GALK2: variants seen among roughly 807,000 people sequenced by gnomAD.
GALK2 encodes galactokinase 2.
Under a neutral mutation model 52.4 loss-of-function variants are expected in GALK2, and 36 were observed. The ratio of observed to expected loss-of-function variants is 0.69; its 90% CI spans 0.53 to 0.91. GALK2 has a LOEUF of 0.91. GALK2 is among the 40% of genes least tolerant of loss of function. The probability of loss-of-function intolerance (pLI) is 0.00; values close to 1 mark genes in which losing one functional copy is unlikely to be tolerated. For synonymous variants in GALK2, 176 were observed against 199.1 expected, an observed-to-expected ratio of 0.88 and a Z score of 0.98; for missense variants, 579 against 559.1, an observed-to-expected ratio of 1.04 and a Z score of -0.36.
chr15:49,352,247 C>G (rs532047200), intron 3 of GALK2, among the ~76,000 whole-genome samples: 27 of 152,246 alleles, frequency 1.8e-4, no homozygotes, highest in Admixed American at 1.6e-3. Context: ...TACCTTGTCT[C>G]GAAGTCACAA....
intron 8 of GALK2, 87 bp from the exon 9 acceptor site, chr15:49,319,517 T>C (rs928966589): frequency 1.9e-6 from 2 of 1,063,018 alleles, no homozygotes; most frequent in African/African-American, 3.2e-5. Flanking sequence ...AAAACAGAAA[T>C]GAAAGTCTTT....
chr15:49,294,184 T>TGC (rs1567031335), intron 8 of GALK2, among the ~76,000 whole-genome samples: 11 of 140,518 alleles, frequency 7.8e-5, no homozygotes, highest in Admixed American at 5.0e-4. Flanking sequence ...AATAAATAAA[T>TGC]AAGCAAGCAA....
At chr15:49,260,214 C>T (rs922546741) in intron 5 of GALK2, among the ~76,000 whole-genome samples, 1 of 151,940 alleles carries the variant, frequency 6.6e-6, no homozygotes, top group African/African-American at 2.4e-5. Flanking sequence ...AAAAGTGTTC[C>T]TATTTCTCCA....
chr15:49,330,730 A>G lies in GALK2; in HGVS notation c.*2571A>G, dbSNP rs2038521203. 1 of 150,082 alleles carries G rather than the reference A, an allele frequency of 6.7e-6. No homozygotes were observed. Among genetic ancestry groups the G allele is most frequent in the Admixed American group, 6.6e-5 (1 of 15,134 alleles). 9.3% of individuals were successfully genotyped at this position (150,082 alleles called of 1,614,324 possible). On this transcript the variant is annotated 3_prime_UTR_variant, in exon 10 of 10. Transcript: ENST00000560031. Reference sequence around the variant, plus strand: ...CTGTGCCCATGTCCCTATCAATAGTAGGGAAGATAGACCAAAAAAAAAAAA... The same window carrying G: ...CTGTGCCCATGTCCCTATCAATAGTGGGGAAGATAGACCAAAAAAAAAAAA...
At chr15:49,367,694 TAA>T in exon 4 of GALK2, 1 of 1,235,020 alleles carries the variant, frequency 8.1e-7, no homozygotes, top group Non-Finnish European at 1.1e-6. Context: ...ATATTTAGCA[TAA>T]AGTTACCATT....
intron 7 of GALK2, among the ~76,000 whole-genome samples, chr15:49,287,783 C>T (rs2033523783): frequency 6.6e-6 from 1 of 152,098 alleles, no homozygotes; most frequent in Admixed American, 6.6e-5. Context: ...ATTTATTTTT[C>T]CTTTCTTCCT....
intron 3 of GALK2, chr15:49,353,736 T>A (rs1357503540): frequency 2.0e-5 from 3 of 152,066 alleles, no homozygotes; most frequent in African/African-American, 4.8e-5. Context: ...TATTTTACCT[T>A]GTATATATTG....
At chr15:49,251,891 C>G (rs949094472) in intron 5 of GALK2, among the ~76,000 whole-genome samples, 3 of 152,162 alleles carry the variant, frequency 2.0e-5, no homozygotes, top group African/African-American at 7.2e-5. Context: ...ATGAATCCTT[C>G]CAGAAATACT....
intron 3 of GALK2, among the ~76,000 whole-genome samples, chr15:49,352,905 C>A (rs2042457290): frequency 6.6e-6 from 1 of 152,168 alleles, no homozygotes; most frequent in Non-Finnish European, 1.5e-5. Context: ...ATTCCTAAAG[C>A]TCTGTTACAC....
chr15:49,306,863 G>A (rs1366861942), intron 8 of GALK2, among the ~76,000 whole-genome samples: 3 of 152,116 alleles, frequency 2.0e-5, no homozygotes, highest in Non-Finnish European at 4.4e-5. Flanking sequence ...CTCATCCAGG[G>A]AGCAGCTTCA....
At chr15:49,238,506 G>T (rs1196266823) in intron 4 of GALK2, among the ~76,000 whole-genome samples, 1 of 152,174 alleles carries the variant, frequency 6.6e-6, no homozygotes, top group Non-Finnish European at 1.5e-5. Context: ...TAAGCATCTG[G>T]ATTTTCTCAT....
intron 5 of GALK2, among the ~76,000 whole-genome samples, chr15:49,244,984 G>A (rs2091276527): frequency 6.6e-6 from 1 of 152,076 alleles, no homozygotes. Flanking sequence ...ATGAAGAAAT[G>A]GGGCAATTAT....
At chr15:49,335,494 AGTGTGC>A (rs2039549217), downstream of GALK2, 5 of 1,612,024 alleles carry the variant, frequency 3.1e-6, no homozygotes, top group East Asian at 1.1e-4. Flanking sequence ...TGGAGCAGGT[AGTGTGC>A]TAGGCTTATT....
chr15:49,199,296 A>G (rs553369051), intron 1 of GALK2: 1 of 152,210 alleles, frequency 6.6e-6, no homozygotes, highest in African/African-American at 2.4e-5. Flanking sequence ...CCCCTATTAT[A>G]GATAACTTAA....
chr15:49,227,768 T>C (rs955615143), intron 3 of GALK2, among the ~76,000 whole-genome samples: 5 of 152,126 alleles, frequency 3.3e-5, no homozygotes, highest in Non-Finnish European at 7.4e-5. Context: ...AGTGGTAACA[T>C]TTGAGTCCTT....
chr15:49,261,509 G>C (rs546397392), intron 5 of GALK2, among the ~76,000 whole-genome samples: 3 of 152,148 alleles, frequency 2.0e-5, no homozygotes, highest in African/African-American at 4.8e-5. Flanking sequence ...CATGTCATCC[G>C]CAAACAGGGA....
intron 1 of GALK2, among the ~76,000 whole-genome samples, chr15:49,160,660 C>T (rs1264910947): frequency 1.3e-5 from 2 of 152,012 alleles, no homozygotes; most frequent in South Asian, 2.1e-4. Flanking sequence ...GTCAAGAGAT[C>T]GAGACCATCC....
chr15:49,284,685 T>G (rs982057319), intron 7 of GALK2, among the ~76,000 whole-genome samples: 1 of 152,170 alleles, frequency 6.6e-6, no homozygotes, highest in African/African-American at 2.4e-5. Flanking sequence ...CATACCTTCT[T>G]TACTTCTCTC....
chr15:49,255,685 AT>A, intron 5 of GALK2, among the ~76,000 whole-genome samples: 1 of 152,204 alleles, frequency 6.6e-6, no homozygotes, highest in East Asian at 1.9e-4. Flanking sequence ...AAATAATGCC[AT>A]AGTTTAGGTA....
Sources: allele counts gnomAD v4.1 joint callset (sites outside exome capture counted in the v4.1 genomes callset), GRCh38; gene constraint gnomAD v4.1.1; transcripts MANE v1.5; gene names NCBI Gene and HGNC (gene_info 2026-07-23, HGNC 2026-07-21).